Variants in FAAH2 observed in about 807,000 individuals in gnomAD.
FAAH2 encodes fatty-acid amide hydrolase 2.
In FAAH2, 60 loss-of-function variants were observed where a neutral mutation model predicts 36.9. That is an observed-to-expected ratio of 1.63 (90% CI 1.32 to 2.02). The LOEUF (loss-of-function observed/expected upper bound fraction) is 2.02, where lower values mean the gene tolerates loss of function less well. Among genes scored for constraint, FAAH2 ranks in the 30% most tolerant of loss-of-function variants. The probability of loss-of-function intolerance (pLI) is 0.00; values close to 1 mark genes in which losing one functional copy is unlikely to be tolerated. For synonymous variants in FAAH2, 214 were observed against 143.8 expected (o/e 1.49, Z -3.49); for missense variants, 689 against 397.5 (o/e 1.73, Z -6.23).
At chrX:57,253,366 C>A in the FAAH2 span, among the ~76,000 whole-genome samples, 2 of 111,625 alleles carry the variant, frequency 1.8e-5, no homozygotes, top group Non-Finnish European at 3.8e-5. Context: ...TCCAGGAGAA[C>A]TTCCCAAACC....
the FAAH2 span, among the ~76,000 whole-genome samples, chrX:57,199,060 G>A: frequency 9.1e-6 from 1 of 109,902 alleles, no homozygotes; most frequent in East Asian, 2.9e-4. Flanking sequence ...AGTTCAGAAT[G>A]TGAGTCTCCA....
intron 5 of FAAH2, among the ~76,000 whole-genome samples, chrX:57,374,769 G>A (rs909147821): frequency 4.5e-5 from 5 of 111,183 alleles, no homozygotes; most frequent in African/African-American, 6.5e-5. Context: ...GTGAGAGTGG[G>A]CATCCTTGTC....
chrX:57,154,767 A>ATT, the FAAH2 span, among the ~76,000 whole-genome samples: 1 of 106,202 alleles, frequency 9.4e-6, no homozygotes, highest in Non-Finnish European at 1.9e-5. Context: ...ATATTTCCAG[A>ATT]TTTTTTTTTT....
chrX:57,427,366 T>C (rs185979320), intron 7 of FAAH2, among the ~76,000 whole-genome samples: 31 of 110,635 alleles, frequency 2.8e-4, no homozygotes, highest in Non-Finnish European at 5.1e-4. Context: ...AAAAAATCAA[T>C]ATGGAAGGGA....
intron 10 of FAAH2, among the ~76,000 whole-genome samples, chrX:57,451,468 C>T (rs1450070821): frequency 2.7e-5 from 3 of 111,761 alleles, no homozygotes; most frequent in South Asian, 3.7e-4. Context: ...TAGCTTAGTA[C>T]AAGAGACAAA....
At chrX:57,134,004 CTCTT>C in the FAAH2 span, among the ~76,000 whole-genome samples, 10 of 111,398 alleles carry the variant, frequency 9.0e-5, no homozygotes, top group African/African-American at 2.6e-4. Context: ...GTCACCAGCA[CTCTT>C]TCTTTGGTGT....
chrX:57,216,911 C>A, the FAAH2 span, among the ~76,000 whole-genome samples: 1 of 108,196 alleles, frequency 9.2e-6, no homozygotes, highest in South Asian at 4.1e-4. Context: ...GAAGTGTTCC[C>A]TGATCACCTC....
intron 5 of FAAH2, among the ~76,000 whole-genome samples, chrX:57,344,770 A>G (rs1425534086): frequency 1.8e-5 from 2 of 111,387 alleles, no homozygotes; most frequent in Non-Finnish European, 3.8e-5. Flanking sequence ...TTTGATGACT[A>G]TTCTTCTAAG....
intron 10 of FAAH2, among the ~76,000 whole-genome samples, chrX:57,463,713 A>T (rs1039477721): frequency 6.3e-5 from 7 of 111,905 alleles, no homozygotes; most frequent in Non-Finnish European, 1.3e-4. Context: ...ATACCATCTC[A>T]CCCCAGTTAG....
the FAAH2 span, among the ~76,000 whole-genome samples, chrX:57,252,816 G>A: frequency 8.9e-6 from 1 of 112,614 alleles, no homozygotes; most frequent in Non-Finnish European, 1.9e-5. Context: ...AGAAACCAGA[G>A]CAGAAAGGCT....
At chrX:57,148,161 G>A in the FAAH2 span, among the ~76,000 whole-genome samples, 1 of 111,370 alleles carries the variant, frequency 9.0e-6, no homozygotes, top group East Asian at 2.8e-4. Flanking sequence ...TTTGGTTACT[G>A]TAGCCTTGTA....
chrX:57,165,543 G>T, the FAAH2 span, among the ~76,000 whole-genome samples: 49 of 109,576 alleles, frequency 4.5e-4, no homozygotes, highest in African/African-American at 1.5e-3. Context: ...ACTGTTGTGG[G>T]GTTGGGGGAG....
At chrX:57,137,374 G>A in the FAAH2 span, 178 of 752,194 alleles carry the variant, frequency 2.4e-4, no homozygotes, top group Non-Finnish European at 2.6e-4. Flanking sequence ...GCGTGTGTAG[G>A]AGCGCGGCGA....
At chrX:57,402,372 A>G (rs2055459618) in intron 7 of FAAH2, among the ~76,000 whole-genome samples, 1 of 111,946 alleles carries the variant, frequency 8.9e-6, no homozygotes, top group Non-Finnish European at 1.9e-5. Flanking sequence ...CGTGTTCCAG[A>G]GCCTCCAAAT....
chrX:57,360,985 G>A (rs1037248792), intron 5 of FAAH2, among the ~76,000 whole-genome samples: 10 of 111,732 alleles, frequency 8.9e-5, no homozygotes, highest in African/African-American at 1.3e-4. Context: ...CTTCATCCAC[G>A]TTCCTGCAAA....
chrX:57,262,158 A>G, the FAAH2 span, among the ~76,000 whole-genome samples: 1 of 111,367 alleles, frequency 9.0e-6, no homozygotes, highest in South Asian at 3.7e-4. Context: ...AAAGACTCCT[A>G]AAGGTGAAGA....
At chrX:57,401,610 C>G (rs1032230658) in intron 7 of FAAH2, among the ~76,000 whole-genome samples, 1 of 111,333 alleles carries the variant, frequency 9.0e-6, no homozygotes, top group Non-Finnish European at 1.9e-5. Flanking sequence ...TTTTACTAGG[C>G]CTTGGGCTTT....
the FAAH2 span, among the ~76,000 whole-genome samples, chrX:57,232,372 G>A: frequency 4.5e-5 from 5 of 112,232 alleles, no homozygotes; most frequent in South Asian, 1.8e-3. Flanking sequence ...CTCTAAGATT[G>A]TTCTCAATGG....
chrX:57,273,885 G>A, the FAAH2 span, among the ~76,000 whole-genome samples: 22 of 111,360 alleles, frequency 2.0e-4, no homozygotes, highest in African/African-American at 7.2e-4. Flanking sequence ...TCAAAAGCTA[G>A]CAGAAGACAT....
Sources: allele counts gnomAD v4.1 joint callset (sites outside exome capture counted in the v4.1 genomes callset), GRCh38; gene constraint gnomAD v4.1.1; transcripts MANE v1.5; gene names NCBI Gene and HGNC (gene_info 2026-07-23, HGNC 2026-07-21).